LRRTM4: variants seen among roughly 807,000 people sequenced by gnomAD.
The protein encoded by LRRTM4 is leucine rich repeat transmembrane neuronal 4, also known as leucine-rich repeat transmembrane neuronal protein 4.
LRRTM4 carries 25 observed loss-of-function variants against 47.6 expected under a neutral mutation model. The ratio of observed to expected loss-of-function variants is 0.53; its 90% CI spans 0.38 to 0.73. LRRTM4 has a LOEUF of 0.73. Ranked by LOEUF, LRRTM4 falls within the 30% of genes least tolerant of loss-of-function variation. LRRTM4 has a pLI of 0.00. For synonymous variants in LRRTM4, 311 were observed against 269.5 expected (o/e 1.15, Z -1.51); for missense variants, 638 against 713.4 (o/e 0.89, Z 1.20).
intron 3 of LRRTM4, among the ~76,000 whole-genome samples, chr2:76,807,146 T>C (rs1156259011): frequency 1.3e-5 from 2 of 151,910 alleles, no homozygotes; most frequent in Non-Finnish European, 2.9e-5. Context: ...TACTTAGTCA[T>C]TTCACAATTC....
At chr2:77,222,823 T>C (rs1322346387) in intron 3 of LRRTM4, among the ~76,000 whole-genome samples, 1 of 151,944 alleles carries the variant, frequency 6.6e-6, no homozygotes, top group East Asian at 1.9e-4. Flanking sequence ...TTCCAATCAA[T>C]AGAAAAAGAG....
Position 77,445,819 on chromosome 2 carries a change from T to C in LRRTM4, c.1551+72499A>G, listed in dbSNP as rs549380028. ...TGTTTAACTTCTCAATTTTCTCACC[T>C]ATAAACAAGTGATAAAAATACCACC... is the stretch of plus-strand genomic sequence containing the variant. On this transcript the variant is annotated intron_variant, in intron 3 of 3. Coordinates refer to ENST00000409884, the MANE Select transcript of LRRTM4 (RefSeq NM_001134745.3). 1.2e-3 allele frequency among the ~76,000 whole-genome samples: 176 copies of C among 152,182 alleles called. 2 individuals carry two copies. Among genetic ancestry groups the C allele is most frequent in the African/African-American group, 4.2e-3 (175 of 41,558 alleles).
chr2:76,854,781 C>T (rs1473949842), intron 3 of LRRTM4, among the ~76,000 whole-genome samples: 1 of 150,064 alleles, frequency 6.7e-6, no homozygotes, highest in Non-Finnish European at 1.5e-5. Flanking sequence ...ATTTGGGATA[C>T]ATCATTGAAT....
At chr2:77,346,940 T>G (rs1465128318) in intron 3 of LRRTM4, among the ~76,000 whole-genome samples, 1 of 152,164 alleles carries the variant, frequency 6.6e-6, no homozygotes, top group Non-Finnish European at 1.5e-5. Context: ...ATGCGACATA[T>G]TCTCCATTCT....
chr2:76,891,165 T>C (rs1401513605), intron 3 of LRRTM4, among the ~76,000 whole-genome samples: 6 of 151,690 alleles, frequency 4.0e-5, no homozygotes, highest in African/African-American at 1.5e-4. Context: ...AAAAGACACA[T>C]CAAACCCTTC....
At position 77,216,792 on chromosome 2, in the gene LRRTM4, G is replaced by A. The variant is rs577026067; in HGVS notation, c.1551+301526C>T. Among the ~76,000 whole-genome samples, 20 of 151,788 alleles carry A rather than the reference G, an allele frequency of 1.3e-4. No individual in the cohort carries two copies. In the South Asian group the frequency reaches 4.0e-3, roughly 30 times the overall value. On this transcript the variant is annotated intron_variant, in intron 3 of 3. Coordinates refer to ENST00000409884, the MANE Select transcript of LRRTM4 (RefSeq NM_001134745.3). ...ATCACTTAGAGAGGTTTTTGAAAAG[G>A]CTGGGCGCGGTGGCTCATGCCTGTA... is the stretch of plus-strand genomic sequence containing the variant.
intron 3 of LRRTM4, among the ~76,000 whole-genome samples, chr2:77,442,153 T>C (rs1426872687): frequency 1.3e-5 from 2 of 152,174 alleles, no homozygotes; most frequent in Admixed American, 1.3e-4. Context: ...AAGAACAGGA[T>C]GCTAAGTGCA....
At chr2:77,077,367 C>T (rs1022173478) in intron 3 of LRRTM4, among the ~76,000 whole-genome samples, 11 of 152,040 alleles carry the variant, frequency 7.2e-5, no homozygotes, top group African/African-American at 2.4e-4. Flanking sequence ...AGTCTAGGAA[C>T]ATGGTAAGTT....
Position 76,906,729 on chromosome 2 carries a change from A to T in LRRTM4, c.1552-157813T>A, listed in dbSNP as rs562648017. ...CTGATAAAACAGACTTTAAACCAAC[A>T]AAGATCAAAAGAGACAAAGAAGGCC... On this transcript the variant is annotated intron_variant, in intron 3 of 3. Coordinates refer to ENST00000409884, the MANE Select transcript of LRRTM4 (RefSeq NM_001134745.3). 4.9e-4 allele frequency among the ~76,000 whole-genome samples: 74 copies of T among 151,776 alleles called. No individual in the cohort carries two copies. In the South Asian group the frequency reaches 0.016, roughly 32 times the overall value.
rs543969233 is a variant in LRRTM4 at position 77,105,216 on chromosome 2, G to A, written c.1552-356300C>T. Among the ~76,000 whole-genome samples, 26 of 152,102 alleles carry A rather than the reference G, an allele frequency of 1.7e-4. 1 individual carries two copies. The South Asian group carries it at 4.8e-3, about 28-fold the overall frequency. On this transcript the variant is annotated intron_variant, in intron 3 of 3. Transcript: ENST00000409884. Reference sequence around the variant, plus strand: ...CAACAAACCTTTAAAATGTTATGACGCAATAGAAAACAGCAACGTCTGGAG... The same window carrying A: ...CAACAAACCTTTAAAATGTTATGACACAATAGAAAACAGCAACGTCTGGAG...
At chr2:77,416,039 T>C (rs557701735) in intron 3 of LRRTM4, among the ~76,000 whole-genome samples, 1 of 152,242 alleles carries the variant, frequency 6.6e-6, no homozygotes, top group East Asian at 1.9e-4. Flanking sequence ...TAGTATAGAA[T>C]CAAGATGTAG....
intron 3 of LRRTM4, among the ~76,000 whole-genome samples, chr2:77,044,676 C>T (rs1233140538): frequency 1.3e-5 from 2 of 151,328 alleles, no homozygotes; most frequent in Admixed American, 6.6e-5. Context: ...TACACATATA[C>T]ACACATATTA....
intron 3 of LRRTM4, among the ~76,000 whole-genome samples, chr2:77,322,375 G>A (rs1677821568): frequency 6.6e-6 from 1 of 152,040 alleles, no homozygotes; most frequent in Non-Finnish European, 1.5e-5. Flanking sequence ...CTCTGCATCT[G>A]ACTCCTCTAA....
intron 3 of LRRTM4, among the ~76,000 whole-genome samples, chr2:77,048,435 A>T (rs1679304812): frequency 6.6e-6 from 1 of 152,086 alleles, no homozygotes; most frequent in Non-Finnish European, 1.5e-5. Context: ...CAATAAAGTC[A>T]ATTTGTGTTA....
intron 3 of LRRTM4, among the ~76,000 whole-genome samples, chr2:77,168,872 A>G (rs1672964872): frequency 6.6e-6 from 1 of 152,092 alleles, no homozygotes; most frequent in Non-Finnish European, 1.5e-5. Flanking sequence ...AAAAGATAAT[A>G]CTCCACCATA....
At chr2:77,247,094 CTGTT>C (rs1424246185) in intron 3 of LRRTM4, among the ~76,000 whole-genome samples, 1 of 151,970 alleles carries the variant, frequency 6.6e-6, no homozygotes, top group African/African-American at 2.4e-5. Flanking sequence ...AGGATGAGGT[CTGTT>C]TGTTATTAAT....
At chr2:77,226,756 A>C (rs560643851) in intron 3 of LRRTM4, among the ~76,000 whole-genome samples, 1 of 152,038 alleles carries the variant, frequency 6.6e-6, no homozygotes, top group South Asian at 2.1e-4. Context: ...TTTGACATAC[A>C]TTGAATCCTT....
At chr2:76,982,043 T>A (rs1360384863) in intron 3 of LRRTM4, among the ~76,000 whole-genome samples, 1 of 152,018 alleles carries the variant, frequency 6.6e-6, no homozygotes, top group Non-Finnish European at 1.5e-5. Context: ...AACAAAAGGA[T>A]TGTGCTCAGT....
At chr2:77,416,771 T>C (rs547210878) in intron 3 of LRRTM4, among the ~76,000 whole-genome samples, 23 of 152,090 alleles carry the variant, frequency 1.5e-4, no homozygotes, top group Middle Eastern at 3.4e-3. Context: ...AAATGATATA[T>C]AAAGAAGTTA....
Sources: gnomAD v4.1 joint callset for allele counts (sites outside exome capture counted in the v4.1 genomes callset) on GRCh38, gnomAD v4.1.1 for gene constraint, MANE v1.5 for transcripts, NCBI Gene and HGNC (gene_info 2026-07-23, HGNC 2026-07-21) for gene names.